The following MICALL2 variants were observed in gnomAD, a reference collection of about 807,000 sequenced individuals.
MICALL2 encodes the protein MICAL like 2, also known as MICAL-like protein 2.
In MICALL2, 111 loss-of-function variants were observed where a neutral mutation model predicts 91.1. The ratio of observed to expected loss-of-function variants is 1.22; its 90% confidence interval spans 1.04 to 1.43. The LOEUF is 1.43. Ranked by LOEUF, MICALL2 falls within the 40% of genes most tolerant of loss-of-function variation. The probability of loss-of-function intolerance (pLI) is 0.00; values close to 1 mark genes in which losing one functional copy is unlikely to be tolerated. For missense variants in MICALL2, 1,556 were observed against 1,236.0 expected (o/e 1.26, Z -3.88); for synonymous variants, 694 against 525.3 (o/e 1.32, Z -4.39).
At chr7:1,453,571 T>A (rs1780912842) in intron 1 of MICALL2, among the ~76,000 whole-genome samples, 1 of 152,136 alleles carries the variant, frequency 6.6e-6, no homozygotes, top group Admixed American at 6.6e-5. Flanking sequence ...ACCCCTGTCC[T>A]TGCCGGACAA....
In MICALL2 at chr7:1,436,783, G is replaced by C. The variant is rs777976772; in HGVS notation, c.2550C>G (p.Asp850Glu). The C allele has an allele frequency of 5.0e-6, 8 of 1,608,796 alleles. No individual in the cohort carries two copies. Among genetic ancestry groups the C allele is most frequent in the South Asian group, 3.3e-5 (3 of 90,804 alleles). ...CCAGCGAGTCCACGATGTCACTGCG[G>C]TCGTTCACGGTGCTCACGTACTGCT... is the stretch of plus-strand genomic sequence containing the variant. ...LLEQYVSTVN[D>E]RSDIVDSLDE... Residue 850 changes from aspartate (D) to glutamate (E), a missense_variant, in exon 15 of 17, where the codon GAC (aspartate) becomes GAG (glutamate). Coordinates refer to ENST00000297508, the MANE Select transcript of MICALL2 (RefSeq NM_182924.4).
At chr7:1,448,815 A>G in intron 2 of MICALL2, 54 bp from the exon 3 acceptor site, 1 of 1,599,142 alleles carries the variant, frequency 6.3e-7, no homozygotes, top group Non-Finnish European at 8.5e-7. Flanking sequence ...CTCCTTCTCC[A>G]CCAGGCCGCA....
At chr7:1,456,341 G>A (rs1781015258) in intron 1 of MICALL2, among the ~76,000 whole-genome samples, 1 of 152,186 alleles carries the variant, frequency 6.6e-6, no homozygotes, top group Admixed American at 6.5e-5. Flanking sequence ...CAGAACTTTG[G>A]GAGGCTGAAG....
At chr7:1,437,380 G>GGC in intron 14 of MICALL2, 155 bp downstream of exon 14, 5 of 577,236 alleles carry the variant, frequency 8.7e-6, no homozygotes, top group Non-Finnish European at 1.5e-5. Flanking sequence ...CAGCCAGGAG[G>GGC]TGGGAGATTT....
rs537694725 is a variant in MICALL2, at chr7:1,452,228, GC to G, written c.144-1941del. Among the ~76,000 whole-genome samples, 337 of 152,308 alleles carry G rather than the reference GC, an allele frequency of 2.2e-3. 1 individual carries two copies. Among genetic ancestry groups the G allele is most frequent in the African/African-American group, 7.7e-3 (319 of 41,564 alleles). ...TCTCCGTGTGGACAGATGACGAGGAGCCCCCTCCCTGGGCTCAGTGGCAGCG... is the reference window on the plus strand; with the variant it reads ...TCTCCGTGTGGACAGATGACGAGGAGCCCCTCCCTGGGCTCAGTGGCAGCG... On this transcript the variant is annotated intron_variant, in intron 1 of 16. Transcript: ENST00000297508. The surrounding 1 kb of genome is among the most constrained non-coding windows in gnomAD (Gnocchi z 6.2).
At chr7:1,458,105 G>A (rs1043820511) in intron 1 of MICALL2, among the ~76,000 whole-genome samples, 3 of 152,260 alleles carry the variant, frequency 2.0e-5, no homozygotes, top group African/African-American at 7.2e-5. Flanking sequence ...CCTCAGAGCA[G>A]GGGCCGAGGC....
rs1584198261 is a variant in MICALL2 at position 1,438,208 on chromosome 7, A to G, written c.2200T>C (p.Tyr734His). 1.3e-6 allele frequency: 2 copies of G among 1,584,932 alleles called. No individual in the cohort carries two copies. The highest frequency in any genetic ancestry group is 1.7e-6 in the Non-Finnish European group (2 of 1,165,712). The change falls in exon 12 of 17, where the codon TAC becomes CAC. Residue 734 changes from tyrosine to histidine, a missense_variant. Tyr to His is a moderately conservative substitution (Grantham distance 83). Transcript: ENST00000297508. ...VTSPVRLHPD[Y>H]LSPEEIQRQL... ...CTCTGTATCTCCTCCGGGGAGAGGT[A>G]GTCGGGGTGCAGCTGGGAACGGAGG... is the stretch of plus-strand genomic sequence containing the variant.
intron 15 of MICALL2, among the ~76,000 whole-genome samples, chr7:1,435,446 G>C (rs1021234420): frequency 1.3e-5 from 2 of 151,354 alleles, no homozygotes; most frequent in Admixed American, 6.6e-5. Context: ...CTGGACAGGA[G>C]GACCTGGACA....
Position 1,434,498 on chromosome 7 carries a change from C to A in MICALL2, c.*98G>T. ...CCGGGTCCGGGCCGAGCCCACGGCC[C>A]CGAGTACAAGTCCGGGTTCCGGGTC... On this transcript the variant is annotated 3_prime_UTR_variant, in exon 17 of 17. Transcript: ENST00000297508. 2 of 1,114,368 alleles carry A rather than the reference C, an allele frequency of 1.8e-6. No individual in the cohort carries two copies. Among genetic ancestry groups the A allele is most frequent in the South Asian group, 2.5e-5 (2 of 80,562 alleles). The allele number at this position is 1,114,368 out of a possible 1,614,324, so 69.0% of individuals were successfully genotyped here. A position where few individuals can be genotyped will look rare whatever the true frequency, so the allele number is the denominator to read the frequency against.
intron 1 of MICALL2, among the ~76,000 whole-genome samples, chr7:1,456,715 G>C (rs1401178884): frequency 3.9e-5 from 6 of 152,198 alleles, no homozygotes; most frequent in Admixed American, 2.6e-4. Flanking sequence ...AGAATGCAGT[G>C]AGCTAAGACG....
rs1188135499 is a variant in MICALL2, at chr7:1,440,565, C to G, written c.1805+26G>C. Reference sequence around the variant, plus strand: ...TTAAGCACCTATGGTGTACCAGGCCCTGGGCCAGCCCCACCCATCCCTAAC... The same window carrying G: ...TTAAGCACCTATGGTGTACCAGGCCGTGGGCCAGCCCCACCCATCCCTAAC... On this transcript the variant is annotated intron_variant, in intron 8 of 16. Transcript: ENST00000297508. 4 of 1,602,688 alleles carry G rather than the reference C, an allele frequency of 2.5e-6. No homozygotes were observed. In the South Asian group the frequency reaches 4.4e-5, roughly 18 times the overall value.
In MICALL2 at chr7:1,453,629, T is replaced by G. The variant is rs529748653; in HGVS notation, c.144-3341A>C. ...TCAGCAAGTGACCAGCTACCCATGG[T>G]GAGACGGCTGGAACTGGGACACAGC... is the stretch of plus-strand genomic sequence containing the variant. On this transcript the variant is annotated intron_variant, in intron 1 of 16. Coordinates refer to ENST00000297508, the MANE Select transcript of MICALL2 (RefSeq NM_182924.4). Among the ~76,000 whole-genome samples, 10 of 152,212 alleles carry G rather than the reference T, an allele frequency of 6.6e-5. No individual in the cohort carries two copies. The East Asian group carries it at 1.9e-3, about 29-fold the overall frequency.
chr7:1,442,097 T>C, intron 7 of MICALL2, 95 bp downstream of exon 7: 1 of 1,380,646 alleles, frequency 7.2e-7, no homozygotes, highest in Non-Finnish European at 1.0e-6. Context: ...CGGGCGGGGC[T>C]GATGATGAAA....
chr7:1,437,751 C>A (rs1244894999), intron 13 of MICALL2, 139 bp downstream of exon 13: 2 of 1,229,224 alleles, frequency 1.6e-6, no homozygotes, highest in African/African-American at 1.5e-5. Flanking sequence ...CCTGGCCCAC[C>A]CAGACCGCAA....
In MICALL2 at chr7:1,442,170, T is replaced by C. The variant is rs372931200; in HGVS notation, c.1711+22A>G. Reference sequence around the variant, plus strand: ...AGAGCTGCGGGCCCCCGGGGCCTCCTGCCTCCCAGCCCCTTACTCACCCTG... The same window carrying C: ...AGAGCTGCGGGCCCCCGGGGCCTCCCGCCTCCCAGCCCCTTACTCACCCTG... On this transcript the variant is annotated intron_variant, in intron 7 of 16. Coordinates refer to ENST00000297508, the MANE Select transcript of MICALL2 (RefSeq NM_182924.4). 5 of 1,609,712 alleles carry C rather than the reference T, an allele frequency of 3.1e-6. No homozygotes were observed. In the African/African-American group the frequency reaches 4.0e-5, roughly 13 times the overall value.
At chr7:1,455,003 G>A (rs755746218) in intron 1 of MICALL2, among the ~76,000 whole-genome samples, 7 of 152,146 alleles carry the variant, frequency 4.6e-5, no homozygotes, top group African/African-American at 1.2e-4. Context: ...CCAACTTCAC[G>A]ACACCCTCCC....
chr7:1,434,980 T>TGCCCC, intron 16 of MICALL2, 121 bp downstream of exon 16: 2 of 628,932 alleles, frequency 3.2e-6, no homozygotes, highest in Non-Finnish European at 2.8e-6. Context: ...GGGGACCCGA[T>TGCCCC]ACCCGCCCCC....
In MICALL2 at chr7:1,442,179, G is replaced by A. The variant is rs777885426; in HGVS notation, c.1711+13C>T. ...GGCCCCCGGGGCCTCCTGCCTCCCA[G>A]CCCCTTACTCACCCTGCGTTAAGGT... On this transcript the variant is annotated intron_variant, in intron 7 of 16. Transcript: ENST00000297508. The A allele has an allele frequency of 3.1e-6, 5 of 1,610,966 alleles. No homozygotes were observed. The highest frequency in any genetic ancestry group is 2.7e-5 in the African/African-American group (2 of 74,694).
intron 8 of MICALL2, 171 bp from the exon 9 acceptor site, chr7:1,440,256 C>T (rs1780214960): frequency 9.0e-6 from 7 of 774,884 alleles, no homozygotes; most frequent in South Asian, 1.8e-5. Context: ...TGCAAACACA[C>T]GTGTCCATCG....
Sources: gnomAD v4.1 joint callset for allele counts (sites outside exome capture counted in the v4.1 genomes callset) on GRCh38, gnomAD v4.1.1 for gene constraint, Gnocchi (gnomAD v3.1) non-coding constraint, MANE v1.5 for transcripts, NCBI Gene and HGNC (gene_info 2026-07-23, HGNC 2026-07-21) for gene names.